MAP3K10: variants seen among roughly 807,000 people sequenced by gnomAD.
MAP3K10 encodes the protein mitogen-activated protein kinase kinase kinase 10, also known as MKN28 derived nonreceptor_type serine/threonine kinase.
A neutral mutation model predicts 75.0 loss-of-function variants in MAP3K10; 22 were observed. That is an observed-to-expected ratio of 0.29 (90% CI 0.21 to 0.42). MAP3K10 has a LOEUF of 0.42. MAP3K10 is among the 10% of genes least tolerant of loss of function. The pLI, the probability that MAP3K10 is intolerant of heterozygous loss-of-function variation, is 1.00. For synonymous variants in MAP3K10, 599 were observed against 612.9 expected (o/e 0.98, Z 0.34); for missense variants, 1,165 against 1,379.8 (o/e 0.84, Z 2.47).
chr19:40,199,373 G>C (rs1972974894), intron 2 of MAP3K10, among the ~76,000 whole-genome samples: 1 of 152,144 alleles, frequency 6.6e-6, no homozygotes, highest in Non-Finnish European at 1.5e-5. Context: ...TTAGTACAAA[G>C]TGCGAGGAGG....
intron 6 of MAP3K10, 22 bp downstream of exon 6, chr19:40,209,241 G>A (rs1277166823): frequency 6.3e-7 from 1 of 1,589,296 alleles, no homozygotes; most frequent in Non-Finnish European, 8.6e-7. Context: ...CCAAGGCCCT[G>A]ACCAGTCAGT....
intron 6 of MAP3K10, 71 bp downstream of exon 6, chr19:40,209,290 C>A: frequency 8.2e-7 from 1 of 1,217,826 alleles, no homozygotes; most frequent in Non-Finnish European, 1.2e-6. Context: ...GATGTTTATA[C>A]CTGGCACCAA....
Position 40,212,313 on chromosome 19 carries a change from C to T in MAP3K10, c.1553-492C>T, listed in dbSNP as rs1973255569. Among the ~76,000 whole-genome samples, 1 of 152,172 alleles carries T rather than the reference C, an allele frequency of 6.6e-6. No individual in the cohort carries two copies. The highest frequency in any genetic ancestry group is 1.5e-5 in the Non-Finnish European group (1 of 68,028). On this transcript the variant is annotated intron_variant, in intron 6 of 9. Coordinates refer to ENST00000253055, the MANE Select transcript of MAP3K10 (RefSeq NM_002446.4). The surrounding 1 kb of genome is among the most constrained non-coding windows in gnomAD (Gnocchi z 4.2). ...CATTCACCCCAGCACTGTCCCCACC[C>T]ACAGCCCCCCTGCCCTCTGTCTGGG...
chr19:40,208,372 ATTT>A, intron 5 of MAP3K10, among the ~76,000 whole-genome samples: 1 of 52,888 alleles, frequency 1.9e-5, no homozygotes, highest in South Asian at 7.3e-4. Context: ...TTTTTTTTGT[ATTT>A]TTAGTAGAGA....
rs200377239 is a variant in MAP3K10, at chr19:40,201,345, GTAT to G, written c.863+2795_863+2797del. ...ATGCCACCAGGCCCAGCTAATTTTT[GTAT>G]TATTTATTTATTTTTTTTAATTTTT... On this transcript the variant is annotated intron_variant, in intron 2 of 9. Transcript: ENST00000253055. Among the ~76,000 whole-genome samples, 1,023 of 150,848 alleles carry G rather than the reference GTAT, an allele frequency of 6.8e-3. 11 individuals are homozygous for G. The highest frequency in any genetic ancestry group is 0.023 in the African/African-American group (964 of 41,126).
rs192849760 is a variant in MAP3K10, at chr19:40,209,952, C to G, written c.1552+733C>G. On this transcript the variant is annotated intron_variant, in intron 6 of 9. Transcript: ENST00000253055. The stretch of plus-strand genomic sequence containing the variant: ...TTCGACACCAGCCTGGGCAACAAAG[C>G]GAGACCCCATCTCTACTTAAAAACA... 2.8e-3 allele frequency among the ~76,000 whole-genome samples: 422 copies of G among 151,970 alleles called. 12 individuals carry two copies. The highest frequency in any genetic ancestry group is 0.026 in the Admixed American group (392 of 15,260).
chr19:40,205,942 G>C lies in MAP3K10; in HGVS notation c.1220G>C (p.Arg407Pro). The change falls in exon 5 of 10, where the codon CGG (arginine) becomes CCG (proline). Residue 407 changes from arginine (R) to proline (P), a missense_variant. By Grantham distance (103) the Arg-to-Pro change is moderately radical. Coordinates refer to ENST00000253055, the MANE Select transcript of MAP3K10 (RefSeq NM_002446.4). The surrounding 1 kb of genome is among the most constrained non-coding windows in gnomAD (Gnocchi z 4.3). ...CGGAGCCGTGAGGAGGAGCTGCTGC[G>C]GGCGGCACAGGAGCAGCGCTTCCAG... ...ELRSREEELL[R>P]AAQEQRFQEE... is the part of the protein sequence containing the mutation. 1 of 1,592,850 alleles carries C rather than the reference G, an allele frequency of 6.3e-7. No homozygotes were observed. Among genetic ancestry groups the C allele is most frequent in the Non-Finnish European group, 8.6e-7 (1 of 1,168,894 alleles).
rs1316016450 is a variant in MAP3K10 at position 40,212,726 on chromosome 19, G to C, written c.1553-79G>C. 6 of 1,537,906 alleles carry C rather than the reference G, an allele frequency of 3.9e-6. No homozygotes were observed. The highest frequency in any genetic ancestry group is 5.3e-6 in the Non-Finnish European group (6 of 1,140,728). ...GGACTCCCAGGCGGAGGGTGGGCCT[G>C]AGCTGGGGGCACTGGAGGCTGGGAG... On this transcript the variant is annotated intron_variant, in intron 6 of 9. Transcript: ENST00000253055. This position sits in a 1 kb window ranked among gnomAD's most constrained non-coding sequence, Gnocchi z 4.2.
rs78907630 is a variant in MAP3K10 at position 40,193,080 on chromosome 19, C to A, written c.682+367C>A. 6.3e-3 allele frequency among the ~76,000 whole-genome samples: 965 copies of A among 152,284 alleles called. 12 individuals are homozygous for A. Among genetic ancestry groups the A allele is most frequent in the African/African-American group, 0.022 (910 of 41,562 alleles). On this transcript the variant is annotated intron_variant, in intron 1 of 9. Coordinates refer to ENST00000253055, the MANE Select transcript of MAP3K10 (RefSeq NM_002446.4). ...AGGCAGAGACAAAAAGAGCCTACCCCGTCTGGAGTCAGTGTCTCTCAACCC... is the reference window on the plus strand; with the variant it reads ...AGGCAGAGACAAAAAGAGCCTACCCAGTCTGGAGTCAGTGTCTCTCAACCC...
chr19:40,208,304 T>C (rs1973160406), intron 5 of MAP3K10, among the ~76,000 whole-genome samples: 1 of 149,546 alleles, frequency 6.7e-6, no homozygotes, highest in Non-Finnish European at 1.5e-5. Flanking sequence ...CCTGAATAGC[T>C]GGGACTACAG....
chr19:40,193,482 A>G (rs1972853472), intron 1 of MAP3K10, among the ~76,000 whole-genome samples: 1 of 152,236 alleles, frequency 6.6e-6, no homozygotes, highest in South Asian at 2.1e-4. Flanking sequence ...TGCAAGACTC[A>G]TTTCTAGATG....
chr19:40,210,076 G>A (rs570209609), intron 6 of MAP3K10, among the ~76,000 whole-genome samples: 14 of 151,816 alleles, frequency 9.2e-5, no homozygotes, highest in African/African-American at 3.4e-4. Context: ...GACCATCCTG[G>A]CTAATACGGT....
chr19:40,200,993 G>A (rs1973007777), intron 2 of MAP3K10, among the ~76,000 whole-genome samples: 1 of 151,950 alleles, frequency 6.6e-6, no homozygotes, highest in Non-Finnish European at 1.5e-5. Context: ...ATAAACTTCA[G>A]TAACATTCTC....
Position 40,192,469 on chromosome 19 carries a change from C to T in MAP3K10, c.438C>T (p.Ala146=), listed in dbSNP as rs768199925. Reference sequence around the variant, plus strand: ...CAGCGGAGCAGGTGTGCCAGGAAGCCCGGCTCTTTGGAGCCCTGCAGCACC... The same window carrying T: ...CAGCGGAGCAGGTGTGCCAGGAAGCTCGGCTCTTTGGAGCCCTGCAGCACC... ...AVTAEQVCQE[A]RLFGALQHPN... The change falls in exon 1 of 10, where the codon GCC becomes GCT. Residue 146 remains alanine, a synonymous_variant. Coordinates refer to ENST00000253055, the MANE Select transcript of MAP3K10 (RefSeq NM_002446.4). The surrounding 1 kb of genome is among the most constrained non-coding windows in gnomAD (Gnocchi z 7.1). The T allele has an allele frequency of 1.8e-5, 29 of 1,613,870 alleles. No homozygotes were observed. The highest frequency in any genetic ancestry group is 2.5e-5 in the Non-Finnish European group (29 of 1,180,008).
At chr19:40,199,763 C>T (rs1231252720) in intron 2 of MAP3K10, among the ~76,000 whole-genome samples, 2 of 152,218 alleles carry the variant, frequency 1.3e-5, no homozygotes, top group Non-Finnish European at 2.9e-5. Context: ...GGGAGGATCA[C>T]TTGAGGCCAG....
chr19:40,205,922 C>T lies in MAP3K10; in HGVS notation c.1200C>T (p.Ser400=), dbSNP rs376827274. ...CCTCTCCTTCCCAGGAGCTTCGGAG[C>T]CGTGAGGAGGAGCTGCTGCGGGCGG... is the stretch of plus-strand genomic sequence containing the variant. ...DLRTKEKELR[S]REEELLRAAQ... The change falls in exon 5 of 10, where the codon AGC becomes AGT. Residue 400 remains serine, a synonymous_variant. Transcript: ENST00000253055. This position sits in a 1 kb window ranked among gnomAD's most constrained non-coding sequence, Gnocchi z 4.3. 3 of 1,567,222 alleles carry T rather than the reference C, an allele frequency of 1.9e-6. No homozygotes were observed. The highest frequency in any genetic ancestry group is 2.7e-5 in the African/African-American group (2 of 73,952).
chr19:40,201,578 A>T (rs1314988816), intron 2 of MAP3K10, among the ~76,000 whole-genome samples: 1 of 145,880 alleles, frequency 6.9e-6, no homozygotes, highest in Non-Finnish European at 1.5e-5. Flanking sequence ...TTGCAGCCTC[A>T]ACCTCCTGGG....
At chr19:40,193,782 C>A (rs545706042) in intron 1 of MAP3K10, among the ~76,000 whole-genome samples, 1 of 152,172 alleles carries the variant, frequency 6.6e-6, no homozygotes, top group Non-Finnish European at 1.5e-5. Context: ...ATTTACCAGG[C>A]CAGATCATGT....
Position 40,213,904 on chromosome 19 carries a change from C to T in MAP3K10, c.2225C>T (p.Pro742Leu), listed in dbSNP as rs1426265149. 7.3e-6 allele frequency: 11 copies of T among 1,505,396 alleles called. No homozygotes were observed. The East Asian group carries it at 1.1e-4, about 15-fold the overall frequency. The allele number at this position is 1,505,396 out of a possible 1,614,324, so 93.3% of individuals were successfully genotyped here. A position where few individuals can be genotyped will look rare whatever the true frequency, so the allele number is the denominator to read the frequency against. ...GTGGGCCCCGGCCTGGGCCTGGCGC[C>T]CTCGGCCACCCTCGTGTCGCTGTCG... Reference protein sequence around the residue: ...EDVGPGLGLAPSATLVSLSSV... With the variant: ...EDVGPGLGLALSATLVSLSSV... The change falls in exon 9 of 10, where the codon CCC becomes CTC. Residue 742 changes from proline to leucine, a missense_variant. Around this residue, in one of 2 missense-constraint regions of MAP3K10, gnomAD observed 590 missense variants for 586.6 expected, o/e 1.01. Coordinates refer to ENST00000253055, the MANE Select transcript of MAP3K10 (RefSeq NM_002446.4). This position sits in a 1 kb window ranked among gnomAD's most constrained non-coding sequence, Gnocchi z 5.7.
Sources: allele counts gnomAD v4.1 joint callset (sites outside exome capture counted in the v4.1 genomes callset), GRCh38; gene constraint gnomAD v4.1.1; regional missense constraint gnomAD v4.1.1; non-coding constraint Gnocchi (gnomAD v3.1); transcripts MANE v1.5; gene names NCBI Gene and HGNC (gene_info 2026-07-23, HGNC 2026-07-21).